ATAD2B: variants seen among roughly 807,000 people sequenced by gnomAD.
The protein encoded by ATAD2B is ATPase family AAA domain-containing protein 2B.
ATAD2B carries 40 observed loss-of-function variants against 167.6 expected under a neutral mutation model. The observed-to-expected ratio is 0.24, with a 90% CI of 0.19 to 0.31. The LOEUF (loss-of-function observed/expected upper bound fraction) is 0.31. Among genes scored for constraint, ATAD2B ranks in the 10% least tolerant of loss-of-function variants. ATAD2B has a pLI of 1.00. For missense variants in ATAD2B, 1,242 were observed against 1,757.2 expected, an observed-to-expected ratio of 0.71 and a Z score of 5.24; for synonymous variants, 579 against 596.5, an observed-to-expected ratio of 0.97 and a Z score of 0.43.
chr2:23,748,663 A>T (rs1044399163), downstream of ATAD2B: 1 of 152,220 alleles, frequency 6.6e-6, no homozygotes, highest in Non-Finnish European at 1.5e-5. Context: ...AAAGAAAGAC[A>T]TGTTTTTCTT....
chr2:23,807,802 C>T (rs1281201885), intron 18 of ATAD2B, among the ~76,000 whole-genome samples: 2 of 108,854 alleles, frequency 1.8e-5, no homozygotes, highest in South Asian at 3.2e-4. Flanking sequence ...GGCAACAGAG[C>T]GTGACTCCAT....
At chr2:23,823,141 T>A (rs570752344) in intron 16 of ATAD2B, 117 bp downstream of exon 16, 2 of 903,170 alleles carry the variant, frequency 2.2e-6, no homozygotes, top group Non-Finnish European at 3.3e-6. Context: ...GAATATATAG[T>A]ACTGAATAAA....
rs1676299526 is a variant in ATAD2B at position 23,759,008 on chromosome 2, T to G, written c.3395-907A>C. Among the ~76,000 whole-genome samples, 4 of 152,172 alleles carry G rather than the reference T, an allele frequency of 2.6e-5. No individual in the cohort carries two copies. The South Asian group carries it at 8.3e-4, about 32-fold the overall frequency. ...AAATTGAGGTAGATGGTTAAGCAAGTCTACCTCATTGTCCCTTAAATAAAC... is the reference window on the plus strand; with the variant it reads ...AAATTGAGGTAGATGGTTAAGCAAGGCTACCTCATTGTCCCTTAAATAAAC... On this transcript the variant is annotated intron_variant, in intron 24 of 27. Coordinates refer to ENST00000238789, the MANE Select transcript of ATAD2B (RefSeq NM_017552.4).
the ATAD2B span, among the ~76,000 whole-genome samples, chr2:23,731,010 A>G: frequency 6.6e-6 from 1 of 152,176 alleles, no homozygotes; most frequent in African/African-American, 2.4e-5. Context: ...GAGATTACAA[A>G]CTTACAAAGA....
intron 9 of ATAD2B, 144 bp downstream of exon 9, chr2:23,869,519 A>G: frequency 1.6e-6 from 1 of 621,850 alleles, no homozygotes; most frequent in Non-Finnish European, 2.8e-6. Context: ...TTTTATTGAA[A>G]GAAAAGCTAA....
chr2:23,798,423 G>T, intron 18 of ATAD2B, 100 bp from the exon 19 acceptor site: 2 of 915,632 alleles, frequency 2.2e-6, no homozygotes, highest in Non-Finnish European at 3.1e-6. Context: ...GCCTATTATG[G>T]TCATTAGTTT....
chr2:23,857,420 G>T lies in ATAD2B; in HGVS notation c.1563C>A (p.Ile521=). 1 of 1,493,432 alleles carries T rather than the reference G, an allele frequency of 6.7e-7. No individual in the cohort carries two copies. The highest frequency in any genetic ancestry group is 1.4e-5 in the South Asian group (1 of 71,766). The allele number at this position is 1,493,432 out of a possible 1,614,324, so 92.5% of individuals were successfully genotyped here. A position where few individuals can be genotyped will look rare whatever the true frequency, so the allele number is the denominator to read the frequency against. The stretch of plus-strand genomic sequence containing the variant: ...ATCAGATAAAGAAAAATTACCTGTG[G>T]ATCTGATCTTGTCTGCTAGAGCGAA... ...APVRSSRQDQ[I]HSSIVSTLLA... is the part of the protein sequence containing the mutation. The change falls in exon 13 of 28, where the codon ATC becomes ATA. Residue 521 remains isoleucine (I), a synonymous_variant. Coordinates refer to ENST00000238789, the MANE Select transcript of ATAD2B (RefSeq NM_017552.4).
At chr2:23,709,146 A>G in the ATAD2B span, among the ~76,000 whole-genome samples, 2 of 152,002 alleles carry the variant, frequency 1.3e-5, no homozygotes, top group Non-Finnish European at 2.9e-5. Context: ...GGTTCAAGCG[A>G]TTCTCCTGCC....
chr2:23,699,927 C>T, the ATAD2B span, among the ~76,000 whole-genome samples: 2 of 152,232 alleles, frequency 1.3e-5, no homozygotes, highest in African/African-American at 2.4e-5. Context: ...CTTTGGTCAA[C>T]TCTGACTCCT....
chr2:23,915,031 T>C (rs1702846788), intron 1 of ATAD2B, among the ~76,000 whole-genome samples: 1 of 152,118 alleles, frequency 6.6e-6, no homozygotes, highest in African/African-American at 2.4e-5. Flanking sequence ...ATATTTGCAG[T>C]AGCAGAGAGT....
At chr2:23,868,734 C>T (rs940939211) in intron 9 of ATAD2B, among the ~76,000 whole-genome samples, 1 of 152,038 alleles carries the variant, frequency 6.6e-6, no homozygotes, top group Non-Finnish European at 1.5e-5. Context: ...AGAGAGATCT[C>T]TATACTACAT....
In ATAD2B at chr2:23,823,584, GAGA is replaced by G. The variant is rs1558605416; in HGVS notation, c.1820-18_1820-16del. 5 of 1,603,538 alleles carry G rather than the reference GAGA, an allele frequency of 3.1e-6. No individual in the cohort carries two copies. Among genetic ancestry groups the G allele is most frequent in the Admixed American group, 1.7e-5 (1 of 59,796 alleles). On this transcript the variant is annotated splice_polypyrimidine_tract_variant and intron_variant, in intron 15 of 27. Coordinates refer to ENST00000238789, the MANE Select transcript of ATAD2B (RefSeq NM_017552.4). Reference sequence around the variant, plus strand: ...TCCACAGTAGCCTAATACACAAAAGGAGAAGGATAGCAAAGGTACATTCATTAT... The same window carrying G: ...TCCACAGTAGCCTAATACACAAAAGGAGGATAGCAAAGGTACATTCATTAT...
At chr2:23,685,235 G>A in the ATAD2B span, 5 of 77,986 alleles carry the variant, frequency 6.4e-5, no homozygotes, top group Non-Finnish European at 4.9e-5. Context: ...ATTGGTGCAT[G>A]AGCATCTTTT....
intron 13 of ATAD2B, among the ~76,000 whole-genome samples, chr2:23,835,319 C>G (rs1274127336): frequency 6.6e-6 from 1 of 152,158 alleles, no homozygotes; most frequent in Non-Finnish European, 1.5e-5. Context: ...TACAATGGAA[C>G]AGTATTCCTC....
At chr2:23,761,408 G>C (rs191513970) in intron 24 of ATAD2B, among the ~76,000 whole-genome samples, 1 of 152,292 alleles carries the variant, frequency 6.6e-6, no homozygotes, top group East Asian at 1.9e-4. Context: ...GTAACTGCTC[G>C]TTGGAGCATT....
the ATAD2B span, chr2:23,691,381 C>G: frequency 4.4e-6 from 2 of 450,354 alleles, no homozygotes; most frequent in Admixed American, 7.2e-5. Context: ...CCTTTGAGGC[C>G]AGTCCTGGTC....
the ATAD2B span, among the ~76,000 whole-genome samples, chr2:23,685,697 C>A: frequency 6.6e-6 from 1 of 152,168 alleles, no homozygotes; most frequent in Non-Finnish European, 1.5e-5. Flanking sequence ...CCTCAGGTCT[C>A]CTGCCCCCGG....
intron 22 of ATAD2B, among the ~76,000 whole-genome samples, chr2:23,767,751 G>C (rs1677657207): frequency 6.6e-6 from 1 of 152,110 alleles, no homozygotes; most frequent in South Asian, 2.1e-4. Flanking sequence ...TGAAAGACAA[G>C]ATTACAGATT....
chr2:23,791,359 A>C (rs1416658446), intron 19 of ATAD2B, among the ~76,000 whole-genome samples: 1 of 152,148 alleles, frequency 6.6e-6, no homozygotes. Flanking sequence ...AAGTGGCTGC[A>C]CCATTTTACA....
Sources: gnomAD v4.1 joint callset for allele counts (sites outside exome capture counted in the v4.1 genomes callset) on GRCh38, gnomAD v4.1.1 for gene constraint, MANE v1.5 for transcripts, NCBI Gene and HGNC (gene_info 2026-07-23, HGNC 2026-07-21) for gene names.